Variants in ZNF860 observed in about 807,000 individuals in gnomAD.
ZNF860 encodes zinc finger protein 860.
For synonymous variants in ZNF860, 206 were observed against 248.9 expected (o/e 0.83, Z 1.62); for missense variants, 641 against 759.2 (o/e 0.84, Z 1.83).
At chr3:31,999,359 CTT>C in the ZNF860 span, among the ~76,000 whole-genome samples, 53 of 125,808 alleles carry the variant, frequency 4.2e-4, no homozygotes, top group Non-Finnish European at 3.9e-4. Context: ...ATATCAAAAT[CTT>C]TTTTTTTTTT....
the ZNF860 span, among the ~76,000 whole-genome samples, chr3:32,005,588 T>C: frequency 6.6e-6 from 1 of 152,140 alleles, no homozygotes; most frequent in Non-Finnish European, 1.5e-5. Flanking sequence ...TGGGTTTTTT[T>C]TGTTGTTGCT....
chr3:32,002,894 C>T, the ZNF860 span, among the ~76,000 whole-genome samples: 16 of 151,162 alleles, frequency 1.1e-4, no homozygotes, highest in Middle Eastern at 3.4e-3. Context: ...TTTTTACTTT[C>T]TCTTGTCTCA....
rs1698980096 is a variant in ZNF860, at chr3:31,988,816, T to C, written c.-264T>C. The C allele has an allele frequency of 1.9e-6, 1 of 516,748 alleles. No homozygotes were observed. Among genetic ancestry groups the C allele is most frequent in the Non-Finnish European group, 3.4e-6 (1 of 290,472 alleles). The allele number at this position is 516,748 out of a possible 1,614,324, so 32.0% of individuals were successfully genotyped here. ...ACAGCCATGTGAGTGACCTTGGAAG[T>C]AGGTTGTCACCAGTCAAGCCTTGAG... On this transcript the variant is annotated 5_prime_UTR_variant, in exon 2 of 2. Coordinates refer to ENST00000360311, the MANE Select transcript of ZNF860 (RefSeq NM_001137674.3).
At chr3:32,002,676 A>G in the ZNF860 span, among the ~76,000 whole-genome samples, 2 of 129,506 alleles carry the variant, frequency 1.5e-5, no homozygotes, top group Non-Finnish European at 3.6e-5. Context: ...TCAAACAGCA[A>G]TGTTTCTGAT....
chr3:32,001,066 A>T, the ZNF860 span, among the ~76,000 whole-genome samples: 17 of 152,166 alleles, frequency 1.1e-4, no homozygotes, highest in African/African-American at 3.9e-4. Context: ...AAACAGGCAG[A>T]GTTGAGAGAT....
chr3:31,998,010 C>T, the ZNF860 span, among the ~76,000 whole-genome samples: 1 of 152,072 alleles, frequency 6.6e-6, no homozygotes, highest in African/African-American at 2.4e-5. Flanking sequence ...CCAGACTGGT[C>T]TCAGACTCCT....
intron 1 of ZNF860, among the ~76,000 whole-genome samples, chr3:31,985,250 T>G (rs1470676394): frequency 6.6e-6 from 1 of 152,136 alleles, no homozygotes; most frequent in East Asian, 1.9e-4. Flanking sequence ...AAAAATGTTT[T>G]AAAAATACAA....
chr3:31,999,968 T>C, the ZNF860 span, among the ~76,000 whole-genome samples: 1 of 152,196 alleles, frequency 6.6e-6, no homozygotes, highest in Non-Finnish European at 1.5e-5. Context: ...TAATTCCCTT[T>C]GACTTTAAAT....
intron 1 of ZNF860, among the ~76,000 whole-genome samples, chr3:31,984,330 G>T (rs955891330): frequency 6.6e-6 from 1 of 150,860 alleles, no homozygotes; most frequent in East Asian, 1.9e-4. Flanking sequence ...GTGAGCCACC[G>T]TACCGGGCCC....
At position 31,990,415 on chromosome 3, in the gene ZNF860, C is replaced by A. The variant is rs573670644; in HGVS notation, c.1336C>A (p.Arg446=). 19 of 1,608,094 alleles carry A rather than the reference C, an allele frequency of 1.2e-5. No individual in the cohort carries two copies. The African/African-American group carries it at 2.2e-4, about 19-fold the overall frequency. The stretch of plus-strand genomic sequence containing the variant: ...TCGTTCATATCTCGTAGTTCATTGG[C>A]GAACTCATACTGGAGAGAAACCTTA... ...RRRSYLVVHW[R]THTGEKPYKC... Residue 446 remains arginine (R), a synonymous_variant, in exon 2 of 2, where the codon CGA becomes AGA. Coordinates refer to ENST00000360311, the MANE Select transcript of ZNF860 (RefSeq NM_001137674.3).
the ZNF860 span, among the ~76,000 whole-genome samples, chr3:32,001,984 GAAGT>G: frequency 6.6e-6 from 1 of 152,168 alleles, no homozygotes; most frequent in South Asian, 2.1e-4. Context: ...GAGGCACACA[GAAGT>G]AAGACATTCA....
At position 31,990,688 on chromosome 3, in the gene ZNF860, C is replaced by G. The variant is rs2125521753; in HGVS notation, c.1609C>G (p.Pro537Ala). 1 of 1,614,108 alleles carries G rather than the reference C, an allele frequency of 6.2e-7. No individual in the cohort carries two copies. The highest frequency in any genetic ancestry group is 1.7e-5 in the Admixed American group (1 of 60,008). The change falls in exon 2 of 2, where the codon CCT (proline) becomes GCT (alanine). Residue 537 changes from proline (P) to alanine (A), a missense_variant. Coordinates refer to ENST00000360311, the MANE Select transcript of ZNF860 (RefSeq NM_001137674.3). The part of the protein sequence containing the change: ...RHHRLHTGEK[P>A]YKCEECDTVF... Reference sequence around the variant, plus strand: ...TCATAGACTTCATACTGGAGAGAAACCTTACAAATGTGAAGAATGTGACAC... The same window carrying G: ...TCATAGACTTCATACTGGAGAGAAAGCTTACAAATGTGAAGAATGTGACAC...
At chr3:31,992,132 C>T (rs536806005), downstream of ZNF860, among the ~76,000 whole-genome samples, 12 of 138,650 alleles carry the variant, frequency 8.7e-5, no homozygotes, top group East Asian at 1.9e-3. Context: ...GGCAACAGAG[C>T]GAGACTCCAT....
At chr3:31,994,274 C>T (rs1452610804), downstream of ZNF860, among the ~76,000 whole-genome samples, 1 of 152,084 alleles carries the variant, frequency 6.6e-6, no homozygotes. Flanking sequence ...TGTATTTGAA[C>T]GTGGGTGGAG....
At chr3:31,988,528 T>C (rs942515410) in intron 1 of ZNF860, 132 bp from the exon 2 acceptor site, 1 of 156,564 alleles carries the variant, frequency 6.4e-6, no homozygotes, top group Admixed American at 6.1e-5. Flanking sequence ...AGTGACTCAC[T>C]TCTAATGAAT....
downstream of ZNF860, among the ~76,000 whole-genome samples, chr3:31,993,706 A>ACACAC (rs1699060266): frequency 1.3e-5 from 2 of 151,848 alleles, no homozygotes; most frequent in African/African-American, 4.8e-5. Context: ...ACACACACAC[A>ACACAC]AAACTGAGGA....
Position 31,990,952 on chromosome 3 carries a change from C to T in ZNF860, c.1873C>T (p.His625Tyr), listed in dbSNP as rs1699020722. The T allele has an allele frequency of 6.4e-7, 1 of 1,574,724 alleles. No individual in the cohort carries two copies. Among genetic ancestry groups the T allele is most frequent in the African/African-American group, 1.4e-5 (1 of 73,862 alleles). Residue 625 changes from histidine (H) to tyrosine (Y), a missense_variant, in exon 2 of 2, where the codon CAT (histidine) becomes TAT (tyrosine). Transcript: ENST00000360311. Reference protein sequence around the residue: ...IHTGQKSYKCHKRGKVFS With the variant: ...IHTGQKSYKCYKRGKVFS ...TACCGGACAGAAATCTTACAAATGT[C>T]ATAAGCGTGGCAAGGTCTTCAGTTA... is the stretch of plus-strand genomic sequence containing the variant.
In ZNF860 at chr3:31,990,403, G is replaced by A. The variant is rs79295539; in HGVS notation, c.1324G>A (p.Val442Ile). The A allele has an allele frequency of 5.5e-3, 8,912 of 1,608,164 alleles. 399 individuals are homozygous for A. The East Asian group carries it at 0.1, about 18-fold the overall frequency. Residue 442 changes from valine (V) to isoleucine (I), a missense_variant, in exon 2 of 2, where the codon GTA (valine) becomes ATA (isoleucine). Val to Ile is a conservative substitution (Grantham distance 29). Transcript: ENST00000360311. ...GKFFRRRSYL[V>I]VHWRTHTGEK... The stretch of plus-strand genomic sequence containing the variant: ...ATTTTTTAGACGTCGTTCATATCTC[G>A]TAGTTCATTGGCGAACTCATACTGG...
chr3:31,995,771 G>A (rs558118596), downstream of ZNF860, among the ~76,000 whole-genome samples: 7 of 152,258 alleles, frequency 4.6e-5, no homozygotes, highest in East Asian at 1.9e-4. Flanking sequence ...GGCTCCAGCC[G>A]GTCCCTCCAT....
Sources: allele counts gnomAD v4.1 joint callset (sites outside exome capture counted in the v4.1 genomes callset), GRCh38; gene constraint gnomAD v4.1.1; transcripts MANE v1.5; gene names NCBI Gene and HGNC (gene_info 2026-07-23, HGNC 2026-07-21).